STX11: variants seen among roughly 807,000 people sequenced by gnomAD.
STX11 encodes the protein syntaxin 11, also known as syntaxin-11.
Under a neutral mutation model 19.9 loss-of-function variants are expected in STX11, and 21 were observed. The observed-to-expected ratio is 1.06, with a 90% CI of 0.75 to 1.52. The LOEUF is 1.52. STX11 is among the 40% of genes most tolerant of loss of function. The pLI is 0.00. For synonymous variants in STX11, 193 were observed against 174.4 expected (o/e 1.11, Z -0.84); for missense variants, 438 against 405.9 (o/e 1.08, Z -0.68).
Position 144,172,860 on chromosome 6 carries a change from G to A in STX11, c.-5-13763G>A, listed in dbSNP as rs1315592912. Among the ~76,000 whole-genome samples, 1 of 150,502 alleles carries A rather than the reference G, an allele frequency of 6.6e-6. No homozygotes were observed. Among genetic ancestry groups the A allele is most frequent in the Non-Finnish European group, 1.5e-5 (1 of 67,796 alleles). On this transcript the variant is annotated intron_variant, in intron 1 of 1. Transcript: ENST00000367568. The surrounding 1 kb of genome is among the most constrained non-coding windows in gnomAD (Gnocchi z 4.2). ...ACATATAATGATGAGATAGGAAAAG[G>A]ATAACAAAAGTAGACACCCCATTTA...
In STX11 at chr6:144,174,324, C is replaced by G. The variant is rs976868662; in HGVS notation, c.-5-12299C>G. Reference sequence around the variant, plus strand: ...AGGAGTTGAGAAATAGTCTGTACCTCTTGATCAGAGAAGCTGCAAAGAATT... The same window carrying G: ...AGGAGTTGAGAAATAGTCTGTACCTGTTGATCAGAGAAGCTGCAAAGAATT... On this transcript the variant is annotated intron_variant, in intron 1 of 1. Coordinates refer to ENST00000367568, the MANE Select transcript of STX11 (RefSeq NM_003764.4). The surrounding 1 kb of genome is among the most constrained non-coding windows in gnomAD (Gnocchi z 5.3). Among the ~76,000 whole-genome samples the G allele has an allele frequency of 6.6e-6, 1 of 152,164 alleles. No individual in the cohort carries two copies. The highest frequency in any genetic ancestry group is 2.4e-5 in the African/African-American group (1 of 41,446).
rs530371348 is a variant in STX11, at chr6:144,175,192, A to G, written c.-5-11431A>G. On this transcript the variant is annotated intron_variant, in intron 1 of 1. Coordinates refer to ENST00000367568, the MANE Select transcript of STX11 (RefSeq NM_003764.4). The surrounding 1 kb of genome is among the most constrained non-coding windows in gnomAD (Gnocchi z 5.1). ...TAGGAGGCAGAGGCTGCAGTGAGCC[A>G]TGATTGTGCCACTGTACTCCAGCCT... Among the ~76,000 whole-genome samples the G allele has an allele frequency of 5.3e-4, 80 of 151,958 alleles. No homozygotes were observed. The highest frequency in any genetic ancestry group is 1.9e-3 in the African/African-American group (78 of 41,446).
upstream of STX11, among the ~76,000 whole-genome samples, chr6:144,145,627 G>A (rs966757717): frequency 1.3e-5 from 2 of 152,192 alleles, no homozygotes; most frequent in Non-Finnish European, 2.9e-5. Context: ...AGGACATTAT[G>A]TTAAGTGAAA....
rs1229025393 is a variant in STX11 at position 144,169,662 on chromosome 6, T to A, written c.-5-16961T>A. 7.8e-6 allele frequency among the ~76,000 whole-genome samples: 1 copy of A among 128,548 alleles called. No homozygotes were observed. The highest frequency in any genetic ancestry group is 2.7e-4 in the East Asian group (1 of 3,736). 84.3% of individuals were successfully genotyped at this position (128,548 alleles called of 152,430 possible). Reference sequence around the variant, plus strand: ...TCTCCTTTTCTTTTCCCTCCCTCCCTCCCTTCCTTCCTTCCTTCCTTCCTT... The same window carrying A: ...TCTCCTTTTCTTTTCCCTCCCTCCCACCCTTCCTTCCTTCCTTCCTTCCTT... On this transcript the variant is annotated intron_variant, in intron 1 of 1. Coordinates refer to ENST00000367568, the MANE Select transcript of STX11 (RefSeq NM_003764.4). The surrounding 1 kb of genome is among the most constrained non-coding windows in gnomAD (Gnocchi z 5.2).
chr6:144,142,642 T>C, the STX11 span, among the ~76,000 whole-genome samples: 2 of 152,176 alleles, frequency 1.3e-5, no homozygotes, highest in Admixed American at 6.5e-5. Flanking sequence ...GGTTATTATT[T>C]TAAGTAAAAT....
chr6:144,166,562 T>C (rs116082708), intron 1 of STX11, among the ~76,000 whole-genome samples: 2,067 of 146,914 alleles, frequency 0.014, 46 homozygotes, highest in African/African-American at 0.048. Flanking sequence ...AGTCTCACTC[T>C]GCGGCCCAGC....
upstream of STX11, among the ~76,000 whole-genome samples, chr6:144,149,879 C>T (rs77953163): frequency 5.6e-3 from 858 of 152,318 alleles, 32 homozygotes; most frequent in East Asian, 0.11. This position sits in a 1 kb window ranked among gnomAD's most constrained non-coding sequence, Gnocchi z 5.1. Context: ...TCTATTTATC[C>T]CTCCCCGTTA....
rs1434488305 is a variant in STX11, at chr6:144,152,089, T to A, written c.-6+1386T>A. ...TGCCGGCAAGGTACTAGGGTAAATC[T>A]ATACCCAGAGTGAAGTTTCTGTGCC... On this transcript the variant is annotated intron_variant, in intron 1 of 1. Coordinates refer to ENST00000367568, the MANE Select transcript of STX11 (RefSeq NM_003764.4). The surrounding 1 kb of genome is among the most constrained non-coding windows in gnomAD (Gnocchi z 4.9). 1.3e-5 allele frequency among the ~76,000 whole-genome samples: 2 copies of A among 152,176 alleles called. No individual in the cohort carries two copies. Among genetic ancestry groups the A allele is most frequent in the African/African-American group, 4.8e-5 (2 of 41,426 alleles).
chr6:144,184,016 G>T lies in STX11; in HGVS notation c.-5-2607G>T, dbSNP rs1801970190. Among the ~76,000 whole-genome samples the T allele has an allele frequency of 6.6e-6, 1 of 152,162 alleles. No individual in the cohort carries two copies. The highest frequency in any genetic ancestry group is 6.5e-5 in the Admixed American group (1 of 15,276). On this transcript the variant is annotated intron_variant, in intron 1 of 1. Coordinates refer to ENST00000367568, the MANE Select transcript of STX11 (RefSeq NM_003764.4). The surrounding 1 kb of genome is among the most constrained non-coding windows in gnomAD (Gnocchi z 6.5). ...TCTGTTCCTGCATTAGTTTGCTGAG[G>T]ATAATGGCTTCCAGCTTCATCCATG...
intron 1 of STX11, among the ~76,000 whole-genome samples, chr6:144,156,712 A>G (rs964810187): frequency 3.9e-5 from 6 of 152,178 alleles, no homozygotes; most frequent in African/African-American, 1.4e-4. Flanking sequence ...TTGATTTGAG[A>G]TAAGTAGGAC....
In STX11 at chr6:144,152,219, A is replaced by G. The variant is rs1473171116; in HGVS notation, c.-6+1516A>G. Among the ~76,000 whole-genome samples the G allele has an allele frequency of 6.6e-6, 1 of 152,336 alleles. No individual in the cohort carries two copies. The highest frequency in any genetic ancestry group is 1.5e-5 in the Non-Finnish European group (1 of 68,034). ...CGATTAGTTGATAGTGTGACTTTTA[A>G]GAAATAGTGTGACTAATTAATAGTT... is the stretch of plus-strand genomic sequence containing the variant. On this transcript the variant is annotated intron_variant, in intron 1 of 1. Coordinates refer to ENST00000367568, the MANE Select transcript of STX11 (RefSeq NM_003764.4). The surrounding 1 kb of genome is among the most constrained non-coding windows in gnomAD (Gnocchi z 4.9).
rs1350397430 is a variant in STX11, at chr6:144,180,646, A to G, written c.-5-5977A>G. On this transcript the variant is annotated intron_variant, in intron 1 of 1. Transcript: ENST00000367568. The surrounding 1 kb of genome is among the most constrained non-coding windows in gnomAD (Gnocchi z 5.3). Reference sequence around the variant, plus strand: ...CCAGCCATGTGGTACTATAAGTCCAATTAAACCTCTTTTCTTCCCAGTCTT... The same window carrying G: ...CCAGCCATGTGGTACTATAAGTCCAGTTAAACCTCTTTTCTTCCCAGTCTT... Among the ~76,000 whole-genome samples the G allele has an allele frequency of 2.0e-5, 3 of 152,302 alleles. No homozygotes were observed. Among genetic ancestry groups the G allele is most frequent in the Non-Finnish European group, 4.4e-5 (3 of 68,022 alleles).
chr6:144,144,132 GT>G, the STX11 span, among the ~76,000 whole-genome samples: 1 of 152,282 alleles, frequency 6.6e-6, no homozygotes, highest in African/African-American at 2.4e-5. Flanking sequence ...TGTCTCTAAT[GT>G]TCTAGGTATT....
rs1399152969 is a variant in STX11, at chr6:144,177,943, T to C, written c.-5-8680T>C. Among the ~76,000 whole-genome samples, 3 of 152,194 alleles carry C rather than the reference T, an allele frequency of 2.0e-5. No individual in the cohort carries two copies. The highest frequency in any genetic ancestry group is 4.4e-5 in the Non-Finnish European group (3 of 68,034). ...TGTAACAACTGAAGTGTTGCAATGT[T>C]GGGGAAACTCTGATATGAAGAAATT... On this transcript the variant is annotated intron_variant, in intron 1 of 1. Transcript: ENST00000367568. This position sits in a 1 kb window ranked among gnomAD's most constrained non-coding sequence, Gnocchi z 4.4.
chr6:144,148,158 T>A (rs1800911251), upstream of STX11, among the ~76,000 whole-genome samples: 1 of 152,152 alleles, frequency 6.6e-6, no homozygotes, highest in African/African-American at 2.4e-5. Flanking sequence ...TCTCAATCAA[T>A]GTAAAATGTA....
chr6:144,183,650 A>G lies in STX11; in HGVS notation c.-5-2973A>G, dbSNP rs1801961021. Reference sequence around the variant, plus strand: ...TTTTTTAATCTAGAAAAAAAATTTAATGTACTTGCTTAGTTCAGCAGAAGC... The same window carrying G: ...TTTTTTAATCTAGAAAAAAAATTTAGTGTACTTGCTTAGTTCAGCAGAAGC... On this transcript the variant is annotated intron_variant, in intron 1 of 1. Transcript: ENST00000367568. This position sits in a 1 kb window ranked among gnomAD's most constrained non-coding sequence, Gnocchi z 4.6. Among the ~76,000 whole-genome samples, 1 of 152,236 alleles carries G rather than the reference A, an allele frequency of 6.6e-6. No homozygotes were observed. The highest frequency in any genetic ancestry group is 1.5e-5 in the Non-Finnish European group (1 of 68,042).
chr6:144,144,700 TTA>T, the STX11 span, among the ~76,000 whole-genome samples: 2 of 152,340 alleles, frequency 1.3e-5, no homozygotes, highest in Admixed American at 6.5e-5. Context: ...TTAGATTTAA[TTA>T]GCCATATGTG....
At chr6:144,156,543 A>G (rs1801172700) in intron 1 of STX11, among the ~76,000 whole-genome samples, 1 of 152,232 alleles carries the variant, frequency 6.6e-6, no homozygotes, top group Non-Finnish European at 1.5e-5. Flanking sequence ...TCAGCTTTTC[A>G]GAATAGTGAA....
intron 1 of STX11, among the ~76,000 whole-genome samples, chr6:144,179,253 A>C (rs1414437933): frequency 6.6e-6 from 1 of 152,222 alleles, no homozygotes; most frequent in African/African-American, 2.4e-5. Context: ...TGATTCAGTT[A>C]TCTCCCACCG....
Sources: allele counts gnomAD v4.1 joint callset (sites outside exome capture counted in the v4.1 genomes callset), GRCh38; gene constraint gnomAD v4.1.1; non-coding constraint Gnocchi (gnomAD v3.1); transcripts MANE v1.5; gene names NCBI Gene and HGNC (gene_info 2026-07-23, HGNC 2026-07-21).